C2orf66: variants seen among roughly 807,000 people sequenced by gnomAD.
C2orf66 encodes the protein chromosome 2 open reading frame 66.
In C2orf66, 6 loss-of-function variants were observed where a neutral mutation model predicts 7.0. The observed-to-expected ratio is 0.86, with a 90% CI of 0.47 to 1.69. The LOEUF is 1.69. C2orf66 is among the 40% of genes most tolerant of loss of function. The pLI is 0.01. For synonymous variants in C2orf66, 38 were observed against 43.8 expected (o/e 0.87, Z 0.52); for missense variants, 107 against 112.0 (o/e 0.96, Z 0.20).
the C2orf66 span, among the ~76,000 whole-genome samples, chr2:196,823,584 G>A: frequency 2.0e-5 from 3 of 151,802 alleles, no homozygotes; most frequent in South Asian, 2.1e-4. Flanking sequence ...CTGAGATCAC[G>A]CCACTGCACT....
the C2orf66 span, among the ~76,000 whole-genome samples, chr2:196,830,536 T>A: frequency 6.6e-6 from 1 of 152,178 alleles, no homozygotes; most frequent in Non-Finnish European, 1.5e-5. Flanking sequence ...GGCTGGGATC[T>A]TGTAGGAGTG....
chr2:196,813,231 T>G (rs1461308108), upstream of C2orf66, among the ~76,000 whole-genome samples: 1 of 152,024 alleles, frequency 6.6e-6, no homozygotes, highest in African/African-American at 2.4e-5. Flanking sequence ...AAAACAAATA[T>G]ATAGACCAAT....
the C2orf66 span, among the ~76,000 whole-genome samples, chr2:196,818,789 T>C: frequency 5.9e-5 from 9 of 152,334 alleles, no homozygotes; most frequent in East Asian, 1.4e-3. Flanking sequence ...TCCTAAAATA[T>C]AGAAGGCAGA....
At chr2:196,809,535 G>T, upstream of C2orf66, 1 of 631,304 alleles carries the variant, frequency 1.6e-6, no homozygotes, top group Non-Finnish European at 2.7e-6. Flanking sequence ...AAATGCAACT[G>T]ATTAGCTTAA....
upstream of C2orf66, among the ~76,000 whole-genome samples, chr2:196,813,077 C>T (rs960446417): frequency 1.3e-5 from 2 of 152,134 alleles, no homozygotes; most frequent in Admixed American, 1.3e-4. Context: ...CTGGAAACAA[C>T]TACTGTAAAT....
At chr2:196,808,579 T>C (rs1192689097) in intron 1 of C2orf66, among the ~76,000 whole-genome samples, 4 of 152,214 alleles carry the variant, frequency 2.6e-5, no homozygotes, top group Admixed American at 6.5e-5. Flanking sequence ...ATCCTGCTGG[T>C]CTCTTATCTC....
chr2:196,815,404 G>A, the C2orf66 span, among the ~76,000 whole-genome samples: 1 of 152,066 alleles, frequency 6.6e-6, no homozygotes, highest in East Asian at 1.9e-4. Context: ...AGGTTCAATC[G>A]AGAGAAAGAG....
upstream of C2orf66, among the ~76,000 whole-genome samples, chr2:196,811,549 G>A (rs1013087542): frequency 1.3e-5 from 2 of 152,148 alleles, no homozygotes; most frequent in African/African-American, 2.4e-5. Flanking sequence ...TGCTAGGTCC[G>A]TGGGTTATGC....
the C2orf66 span, among the ~76,000 whole-genome samples, chr2:196,817,296 G>A: frequency 6.7e-6 from 1 of 148,260 alleles, no homozygotes; most frequent in Non-Finnish European, 1.5e-5. Flanking sequence ...GTGCAGTGGC[G>A]AGATCTTGGC....
upstream of C2orf66, chr2:196,810,027 G>A (rs906673464): frequency 9.2e-5 from 14 of 152,178 alleles, no homozygotes; most frequent in African/African-American, 2.7e-4. Flanking sequence ...ACTTGAGCAG[G>A]GGAGTTAAAA....
chr2:196,818,369 C>G, the C2orf66 span, among the ~76,000 whole-genome samples: 1 of 152,238 alleles, frequency 6.6e-6, no homozygotes, highest in East Asian at 1.9e-4. Context: ...GCTGACCTCA[C>G]AGCTGCTGCT....
upstream of C2orf66, among the ~76,000 whole-genome samples, chr2:196,811,834 G>C (rs1031766161): frequency 6.6e-6 from 1 of 152,162 alleles, no homozygotes; most frequent in African/African-American, 2.4e-5. Flanking sequence ...CTTGAGCTTT[G>C]AGAAATTTTA....
chr2:196,809,459 G>T, upstream of C2orf66: 1 of 1,371,972 alleles, frequency 7.3e-7, no homozygotes, highest in Non-Finnish European at 1.0e-6. Flanking sequence ...AGGAGAAATA[G>T]CATACTGGTT....
the C2orf66 span, chr2:196,832,077 A>AG: frequency 6.6e-6 from 1 of 152,210 alleles, no homozygotes; most frequent in African/African-American, 2.4e-5. Context: ...GAAAAGCGCC[A>AG]GGCGCAGTGG....
chr2:196,829,039 C>T, the C2orf66 span, among the ~76,000 whole-genome samples: 1 of 152,064 alleles, frequency 6.6e-6, no homozygotes, highest in African/African-American at 2.4e-5. Flanking sequence ...TGTTATGCAG[C>T]AATTAACATA....
At chr2:196,827,136 G>A in the C2orf66 span, among the ~76,000 whole-genome samples, 3 of 151,752 alleles carry the variant, frequency 2.0e-5, no homozygotes, top group South Asian at 2.1e-4. Flanking sequence ...CTACTTGGGA[G>A]GCTGATGTAG....
At chr2:196,819,115 T>C in the C2orf66 span, among the ~76,000 whole-genome samples, 1 of 152,222 alleles carries the variant, frequency 6.6e-6, no homozygotes, top group African/African-American at 2.4e-5. Context: ...CCTCATAATT[T>C]CTCTCTGTTT....
chr2:196,808,975 A>G (rs1292660901), intron 1 of C2orf66, among the ~76,000 whole-genome samples: 1 of 152,234 alleles, frequency 6.6e-6, no homozygotes, highest in African/African-American at 2.4e-5. Context: ...CTATGTGTGT[A>G]TAAGATTGTT....
chr2:196,831,721 T>A, the C2orf66 span, among the ~76,000 whole-genome samples: 1 of 152,128 alleles, frequency 6.6e-6, no homozygotes, highest in Admixed American at 6.5e-5. Context: ...AGAGATAATT[T>A]ATCTCCTAGC....
Sources: gnomAD v4.1 joint callset for allele counts (sites outside exome capture counted in the v4.1 genomes callset) on GRCh38, gnomAD v4.1.1 for gene constraint, MANE v1.5 for transcripts, NCBI Gene and HGNC (gene_info 2026-07-23, HGNC 2026-07-21) for gene names.